EDAR: variants seen among roughly 807,000 people sequenced by gnomAD.
EDAR encodes ectodysplasin A receptor, also known as tumor necrosis factor receptor superfamily member EDAR.
Under a neutral mutation model 51.3 loss-of-function variants are expected in EDAR, and 38 were observed. The observed-to-expected ratio is 0.74, with a 90% CI of 0.57 to 0.97. EDAR has a LOEUF of 0.97. Ranked by LOEUF, EDAR falls within the 50% of genes least tolerant of loss-of-function variation. The pLI is 0.00. For synonymous variants in EDAR, 227 were observed against 242.1 expected (o/e 0.94, Z 0.58); for missense variants, 528 against 595.0 (o/e 0.89, Z 1.17).
chr2:108,973,811 C>A (rs1316083249), intron 1 of EDAR, among the ~76,000 whole-genome samples: 1 of 152,222 alleles, frequency 6.6e-6, no homozygotes, highest in Non-Finnish European at 1.5e-5. Flanking sequence ...GGCCCTTCAA[C>A]TTTTGAATGC....
chr2:108,959,259 C>T (rs1452087107), intron 1 of EDAR, among the ~76,000 whole-genome samples: 1 of 152,212 alleles, frequency 6.6e-6, no homozygotes, highest in Non-Finnish European at 1.5e-5. Flanking sequence ...CTGATGATGG[C>T]CTATGAAGCC....
chr2:108,976,624 A>G (rs1698326760), intron 1 of EDAR, among the ~76,000 whole-genome samples: 1 of 152,078 alleles, frequency 6.6e-6, no homozygotes, highest in Admixed American at 6.5e-5. Flanking sequence ...TCTGTTATGT[A>G]TTTGTCCATC....
intron 8 of EDAR, 49 bp from the exon 9 acceptor site, chr2:108,910,581 T>C (rs775008099): frequency 1.6e-5 from 25 of 1,525,782 alleles, no homozygotes; most frequent in Middle Eastern, 1.7e-4. Flanking sequence ...AATTGGCTCA[T>C]GGCTCTGCGC....
rs557283245 is a variant in EDAR, at chr2:108,945,930, T to G, written c.-18-14898A>C. 9.2e-5 allele frequency among the ~76,000 whole-genome samples: 14 copies of G among 152,342 alleles called. No individual in the cohort carries two copies. The South Asian group carries it at 2.1e-3, about 23-fold the overall frequency. ...GTTACTTTGTCATGAAGATGCCTAT[T>G]CTATCCTATGCTTCCATTTGACCCT... On this transcript the variant is annotated intron_variant, in intron 1 of 11. Coordinates refer to ENST00000258443, the MANE Select transcript of EDAR (RefSeq NM_022336.4).
intron 1 of EDAR, among the ~76,000 whole-genome samples, chr2:108,943,152 G>C (rs1293712389): frequency 6.6e-6 from 1 of 152,136 alleles, no homozygotes; most frequent in Non-Finnish European, 1.5e-5. Flanking sequence ...TCAGGGTCTT[G>C]TTCTACCGGT....
chr2:108,936,564 G>T (rs1697473157), intron 1 of EDAR, among the ~76,000 whole-genome samples: 1 of 152,122 alleles, frequency 6.6e-6, no homozygotes, highest in African/African-American at 2.4e-5. Flanking sequence ...GGAGGCTGCT[G>T]GTGGCCTCCT....
At chr2:108,906,604 C>A (rs1696811351) in intron 10 of EDAR, among the ~76,000 whole-genome samples, 1 of 152,202 alleles carries the variant, frequency 6.6e-6, no homozygotes, top group South Asian at 2.1e-4. Flanking sequence ...GCTGGGTGGT[C>A]AGACTCGTAA....
At chr2:108,956,068 C>T (rs1697919643) in intron 1 of EDAR, among the ~76,000 whole-genome samples, 1 of 152,084 alleles carries the variant, frequency 6.6e-6, no homozygotes, top group African/African-American at 2.4e-5. Context: ...GATTAAAACA[C>T]TGTTCGGGCT....
At chr2:108,980,612 G>A (rs923514181) in intron 1 of EDAR, among the ~76,000 whole-genome samples, 3 of 152,126 alleles carry the variant, frequency 2.0e-5, no homozygotes, top group African/African-American at 4.8e-5. Flanking sequence ...GGAGTCCAGG[G>A]GTGGGAGCTG....
intron 1 of EDAR, among the ~76,000 whole-genome samples, chr2:108,965,414 G>T (rs947328366): frequency 6.6e-6 from 1 of 150,550 alleles, no homozygotes; most frequent in Non-Finnish European, 1.5e-5. Flanking sequence ...CCGGGAGGCC[G>T]AGGTCACGCC....
chr2:108,909,445 A>ATCATAGGAAGATCATGGAC (rs1202881516), intron 9 of EDAR, among the ~76,000 whole-genome samples: 5 of 152,146 alleles, frequency 3.3e-5, no homozygotes, highest in Admixed American at 6.5e-5. Flanking sequence ...TGCAAGGTGA[A>ATCATAGGAAGATCATGGAC]TCATAGGAAG....
chr2:108,939,266 A>AACCTCCGCC (rs1697541978), intron 1 of EDAR, among the ~76,000 whole-genome samples: 1 of 151,840 alleles, frequency 6.6e-6, no homozygotes, highest in Admixed American at 6.6e-5. Context: ...CAACCTCCGC[A>AACCTCCGCC]ACCTCCGCCT....
chr2:108,913,867 G>A (rs930689504), intron 5 of EDAR, among the ~76,000 whole-genome samples: 2 of 145,428 alleles, frequency 1.4e-5, no homozygotes, highest in South Asian at 2.2e-4. Flanking sequence ...GGAGAATGGC[G>A]TGAACCCAGG....
At chr2:108,943,030 G>T (rs1243433036) in intron 1 of EDAR, among the ~76,000 whole-genome samples, 1 of 152,194 alleles carries the variant, frequency 6.6e-6, no homozygotes, top group African/African-American at 2.4e-5. Context: ...ATGGTGCAGG[G>T]CTATAAATAA....
intron 1 of EDAR, among the ~76,000 whole-genome samples, chr2:108,977,670 C>G (rs1377348785): frequency 6.6e-6 from 1 of 152,070 alleles, no homozygotes; most frequent in African/African-American, 2.4e-5. Flanking sequence ...GGACCCGGCT[C>G]TCACTAGGAG....
chr2:108,956,648 C>T (rs1697930473), intron 1 of EDAR, among the ~76,000 whole-genome samples: 1 of 152,342 alleles, frequency 6.6e-6, no homozygotes, highest in Non-Finnish European at 1.5e-5. Flanking sequence ...CTTCCATCTG[C>T]TCAGCCACCT....
At chr2:108,956,827 T>C (rs2104387833) in intron 1 of EDAR, among the ~76,000 whole-genome samples, 1 of 152,256 alleles carries the variant, frequency 6.6e-6, no homozygotes, top group African/African-American at 2.4e-5. Flanking sequence ...TTGTTCTTGT[T>C]GCCCAGGCTA....
intron 5 of EDAR, among the ~76,000 whole-genome samples, chr2:108,914,265 AAAAAT>A (rs1159434732): frequency 6.6e-6 from 1 of 152,002 alleles, no homozygotes; most frequent in African/African-American, 2.4e-5. Context: ...TGTCTCAAAA[AAAAAT>A]AAAATAAAAA....
chr2:108,923,268 C>T (rs539813982), intron 5 of EDAR, 100 bp downstream of exon 5: 391 of 1,175,770 alleles, frequency 3.3e-4, no homozygotes, highest in Admixed American at 7.5e-4. Context: ...TGTGATTCAC[C>T]TTGTCCAGGT....
Sources: allele counts gnomAD v4.1 joint callset (sites outside exome capture counted in the v4.1 genomes callset), GRCh38; gene constraint gnomAD v4.1.1; transcripts MANE v1.5; gene names NCBI Gene and HGNC (gene_info 2026-07-23, HGNC 2026-07-21).